The following ERN2 variants were observed in gnomAD, a reference collection of about 807,000 sequenced individuals.
ERN2 encodes the protein endoplasmic reticulum to nucleus signaling 2.
ERN2 carries 111 observed loss-of-function variants against 107.9 expected under a neutral mutation model. The observed-to-expected ratio is 1.03, with a 90% CI of 0.88 to 1.20. The LOEUF is 1.20. Among genes scored for constraint, ERN2 ranks in the 50% most tolerant of loss-of-function variants. The probability of loss-of-function intolerance (pLI) is 0.00; values close to 1 mark genes in which losing one functional copy is unlikely to be tolerated. For synonymous variants in ERN2, 524 were observed against 501.7 expected (o/e 1.04, Z -0.59); for missense variants, 1,225 against 1,197.9 (o/e 1.02, Z -0.33).
In ERN2 at chr16:23,708,460, G is replaced by T. The variant is rs951446784; in HGVS notation, c.307-1381C>A. Among the ~76,000 whole-genome samples the T allele has an allele frequency of 1.4e-5, 2 of 144,204 alleles. 1 individual carries two copies. Among genetic ancestry groups the T allele is most frequent in the South Asian group, 4.4e-4 (2 of 4,584 alleles). 94.6% of individuals were successfully genotyped at this position (144,204 alleles called of 152,430 possible). On this transcript the variant is annotated intron_variant, in intron 4 of 21. Transcript: ENST00000256797. ...CAACCTCTGCCTCCCGGGTACAAAC[G>T]ATTCTTCTGCCTCAGCCTCCCAAGC...
At chr16:23,695,737 A>C (rs921753199) in intron 14 of ERN2, among the ~76,000 whole-genome samples, 157 bp downstream of exon 14, 4 of 151,084 alleles carry the variant, frequency 2.6e-5, no homozygotes, top group African/African-American at 7.3e-5. Flanking sequence ...AAAAAAAAAA[A>C]AAAAAAAAAA....
chr16:23,695,092 G>C lies in ERN2; in HGVS notation c.1827C>G (p.Arg609=), dbSNP rs559319963. The C allele has an allele frequency of 3.1e-6, 5 of 1,613,926 alleles. No individual in the cohort carries two copies. In the South Asian group the frequency reaches 4.4e-5, roughly 14 times the overall value. Residue 609 remains arginine, a synonymous_variant, in exon 16 of 22, where the codon CGC becomes CGG. Coordinates refer to ENST00000256797, the MANE Select transcript of ERN2 (RefSeq NM_033266.4). ...QEYVENPDLD[R]GGLEPEVVLQ... ...GCACGACCTCGGGCTCCAGACCCCC[G>C]CGATCCAGGTCCGGGTTTTCTACGT...
chr16:23,709,109 C>T, intron 4 of ERN2: 3 of 449,602 alleles, frequency 6.7e-6, no homozygotes, highest in South Asian at 4.7e-5. Flanking sequence ...TAAGACTTTT[C>T]TAGCAGGCTT....
chr16:23,695,157 C>T, intron 15 of ERN2, 39 bp from the exon 16 acceptor site: 3 of 1,613,632 alleles, frequency 1.9e-6, no homozygotes, highest in Non-Finnish European at 1.7e-6. Flanking sequence ...CTCTCCAGCC[C>T]GGACCTTCCC....
At chr16:23,692,804 G>A (rs116086702) in intron 17 of ERN2, among the ~76,000 whole-genome samples, 219 of 151,838 alleles carry the variant, frequency 1.4e-3, no homozygotes, top group African/African-American at 4.9e-3. Flanking sequence ...ACAGCTCACT[G>A]TAACCTCAAA....
In ERN2 at chr16:23,700,678, C is replaced by T. The variant is rs1960016914; in HGVS notation, c.1386G>A (p.Gln462=). 3.1e-6 allele frequency: 5 copies of T among 1,613,650 alleles called. No individual in the cohort carries two copies. In the East Asian group the frequency reaches 1.1e-4, roughly 36 times the overall value. Residue 462 remains glutamine (Q), a synonymous_variant, in exon 13 of 22, where the codon CAG becomes CAA. Coordinates refer to ENST00000256797, the MANE Select transcript of ERN2 (RefSeq NM_033266.4). The part of the protein sequence containing the change: ...RQQQPQVVEK[Q]QETPLAPADF... ...CTGCAGGTGCCAGGGGGGTCTCCTG[C>T]TGCTTCTCCACCACCTGCGGCTGTT...
chr16:23,705,936 C>T (rs1168154357), intron 7 of ERN2, among the ~76,000 whole-genome samples: 1 of 151,734 alleles, frequency 6.6e-6, no homozygotes, highest in Admixed American at 6.6e-5. Context: ...GGGGAGTGGT[C>T]GGGGTCACCT....
intron 13 of ERN2, among the ~76,000 whole-genome samples, chr16:23,698,005 C>T (rs889794619): frequency 6.6e-6 from 1 of 152,122 alleles, no homozygotes; most frequent in Non-Finnish European, 1.5e-5. Context: ...CCACCTAAGC[C>T]TCCCAAGCTC....
intron 13 of ERN2, among the ~76,000 whole-genome samples, chr16:23,699,769 G>A (rs1959971187): frequency 6.6e-6 from 1 of 151,996 alleles, no homozygotes; most frequent in African/African-American, 2.4e-5. Flanking sequence ...AAAGATAAGT[G>A]TTTAAAAAAT....
Position 23,700,744 on chromosome 16 carries a change from G to A in ERN2, c.1360-40C>T, listed in dbSNP as rs774633954. The A allele has an allele frequency of 8.2e-6, 13 of 1,579,300 alleles. No individual in the cohort carries two copies. The highest frequency in any genetic ancestry group is 5.3e-5 in the Admixed American group (3 of 56,550). Reference sequence around the variant, plus strand: ...CCTAAGAGAGCTTTGTCCTGGCCACGCCCTGCCCCGTGATGGGCCCAGTAT... The same window carrying A: ...CCTAAGAGAGCTTTGTCCTGGCCACACCCTGCCCCGTGATGGGCCCAGTAT... On this transcript the variant is annotated intron_variant, in intron 12 of 21. Coordinates refer to ENST00000256797, the MANE Select transcript of ERN2 (RefSeq NM_033266.4).
chr16:23,692,173 G>A lies in ERN2; in HGVS notation c.2248+11C>T. The A allele has an allele frequency of 1.2e-6, 2 of 1,614,022 alleles. No individual in the cohort carries two copies. Among genetic ancestry groups the A allele is most frequent in the Non-Finnish European group, 1.7e-6 (2 of 1,180,010 alleles). On this transcript the variant is annotated intron_variant, in intron 18 of 21. Coordinates refer to ENST00000256797, the MANE Select transcript of ERN2 (RefSeq NM_033266.4). ...GTCCTCCCTTCTCTGCCCTGCCCAG[G>A]GCTCCCTCACCGTGGACCTCTTCCT...
intron 15 of ERN2, 26 bp from the exon 16 acceptor site, chr16:23,695,144 T>G: frequency 1.9e-6 from 3 of 1,613,728 alleles, no homozygotes; most frequent in East Asian, 2.2e-5. Flanking sequence ...GGCCAAAGCA[T>G]CACTCTCCAG....
At chr16:23,693,670 C>T (rs1228020905) in intron 17 of ERN2, among the ~76,000 whole-genome samples, 1 of 151,994 alleles carries the variant, frequency 6.6e-6, no homozygotes, top group Non-Finnish European at 1.5e-5. Flanking sequence ...GCATTTAGTC[C>T]TTGAGCCCTG....
At chr16:23,697,880 C>G (rs980267073) in intron 13 of ERN2, among the ~76,000 whole-genome samples, 4 of 152,086 alleles carry the variant, frequency 2.6e-5, no homozygotes, top group African/African-American at 9.7e-5. Context: ...CCTCAGCCCC[C>G]CAAGCAGCTG....
Position 23,710,963 on chromosome 16 carries a change from A to T in ERN2, c.149T>A (p.Leu50His). ...CCCTGTCTGCTTGCTTAGTGCGTGG[A>T]GACTTCCATCCAAGGTGGACACCAG... ...LLLVSTLDGSLHALSKQTGDL... is the reference protein window; with the variant it reads ...LLLVSTLDGSHHALSKQTGDL... Residue 50 changes from leucine to histidine, a missense_variant, in exon 2 of 22, where the codon CTC becomes CAC. Transcript: ENST00000256797. 6.2e-7 allele frequency: 1 copy of T among 1,614,130 alleles called. No individual in the cohort carries two copies. The highest frequency in any genetic ancestry group is 8.5e-7 in the Non-Finnish European group (1 of 1,179,992).
chr16:23,701,031 T>G lies in ERN2; in HGVS notation c.1287A>C (p.Gly429=), dbSNP rs1355310560. The part of the protein sequence containing the change: ...EKTPDSYLGL[G]PQDLLAASLT... ...GGCTAGCTGCCAGCAGGTCTTGGGG[T>G]CCCAGCCCCAAGTAAGAGTCTGGAG... Residue 429 remains glycine, a synonymous_variant, in exon 12 of 22, where the codon GGA becomes GGC. Transcript: ENST00000256797. 2.5e-6 allele frequency: 4 copies of G among 1,613,826 alleles called. No homozygotes were observed. The highest frequency in any genetic ancestry group is 2.2e-5 in the South Asian group (2 of 91,078).
chr16:23,696,571 G>C (rs952757304), intron 13 of ERN2: 1 of 152,532 alleles, frequency 6.6e-6, no homozygotes, highest in Non-Finnish European at 1.5e-5. Flanking sequence ...AACCTGCCCA[G>C]AGTTAGTTCC....
Position 23,702,705 on chromosome 16 carries a change from A to G in ERN2, c.855-3T>C, listed in dbSNP as rs551964975. 2 of 1,612,746 alleles carry G rather than the reference A, an allele frequency of 1.2e-6. No individual in the cohort carries two copies. The highest frequency in any genetic ancestry group is 2.2e-5 in the East Asian group (1 of 44,862). On this transcript the variant is annotated splice_polypyrimidine_tract_variant and splice_region_variant and intron_variant, in intron 8 of 21. Coordinates refer to ENST00000256797, the MANE Select transcript of ERN2 (RefSeq NM_033266.4). The stretch of plus-strand genomic sequence containing the variant: ...CCTTCCCCACATACAGCGTCATTCT[A>G]GTGGGAGAGAAGAAAAAGAAGAGAA...
chr16:23,701,076 C>T lies in ERN2; in HGVS notation c.1242G>A (p.Glu414=), dbSNP rs1184384128. 1.9e-6 allele frequency: 3 copies of T among 1,614,138 alleles called. No individual in the cohort carries two copies. The highest frequency in any genetic ancestry group is 3.3e-5 in the Admixed American group (2 of 60,016). The change falls in exon 12 of 22, where the codon GAG becomes GAA. Residue 414 remains glutamate (E), a synonymous_variant. Transcript: ENST00000256797. ...SLSREKLWDS[E]LHPEEKTPDS... ...CTGGAGTTTTTTCTTCTGGATGCAG[C>T]TCGGAGTCCCAAAGTTTCTCTCGGC...
Sources: allele counts gnomAD v4.1 joint callset (sites outside exome capture counted in the v4.1 genomes callset), GRCh38; gene constraint gnomAD v4.1.1; transcripts MANE v1.5; gene names NCBI Gene and HGNC (gene_info 2026-07-23, HGNC 2026-07-21).